Variants in ST18 observed in about 807,000 individuals in gnomAD.
ST18 encodes ST18 C2H2C-type zinc finger transcription factor, also known as suppression of tumorigenicity 18 protein.
Under a neutral mutation model 110.0 loss-of-function variants are expected in ST18, and 50 were observed. The observed-to-expected ratio is 0.45, with a 90% CI of 0.36 to 0.58. The LOEUF is 0.58. ST18 is among the 20% of genes least tolerant of loss of function. The probability of loss-of-function intolerance (pLI) is 0.00; values close to 1 mark genes in which losing one functional copy is unlikely to be tolerated. For missense variants in ST18, 1,306 were observed against 1,280.1 expected (o/e 1.02, Z -0.31); for synonymous variants, 461 against 452.4 (o/e 1.02, Z -0.24).
chr8:52,262,067 T>C (rs2094710934), intron 2 of ST18, among the ~76,000 whole-genome samples: 1 of 152,214 alleles, frequency 6.6e-6, no homozygotes, highest in Non-Finnish European at 1.5e-5. Flanking sequence ...GCTCAGCATA[T>C]GTTGAGGGCC....
At chr8:52,145,723 C>T (rs1346460521) in intron 16 of ST18, among the ~76,000 whole-genome samples, 1 of 152,074 alleles carries the variant, frequency 6.6e-6, no homozygotes, top group African/African-American at 2.4e-5. Flanking sequence ...AATGAAATTC[C>T]TTTAACGTAC....
chr8:52,331,101 T>C (rs553532522), intron 2 of ST18, among the ~76,000 whole-genome samples: 2 of 152,176 alleles, frequency 1.3e-5, no homozygotes, highest in South Asian at 2.1e-4. Flanking sequence ...TAACTGACTT[T>C]ATTGACTTTG....
At position 52,141,392 on chromosome 8, in the gene ST18, G is replaced by A. The variant is rs938717445; in HGVS notation, c.2168+1538C>T. On this transcript the variant is annotated intron_variant, in intron 17 of 25. Transcript: ENST00000689386. ...TATTATGCACCAATGGTGTGGACAA[G>A]GTACAGAAGAGGAAATAAGGGGAAA... Among the ~76,000 whole-genome samples, 3 of 152,194 alleles carry A rather than the reference G, an allele frequency of 2.0e-5. No homozygotes were observed. The East Asian group carries it at 5.8e-4, about 29-fold the overall frequency.
At chr8:52,231,959 C>T (rs2091512213) in intron 2 of ST18, among the ~76,000 whole-genome samples, 1 of 152,200 alleles carries the variant, frequency 6.6e-6, no homozygotes. Context: ...TTCCGTAGAT[C>T]TATGGTGGGA....
intron 2 of ST18, among the ~76,000 whole-genome samples, chr8:52,335,968 G>A (rs1235947698): frequency 6.6e-6 from 1 of 151,926 alleles, no homozygotes; most frequent in South Asian, 2.1e-4. Context: ...GCCCCCATCT[G>A]TCTCCCCTCT....
In ST18 at chr8:52,247,390, AGACCT is replaced by A. The variant is rs146617765; in HGVS notation, c.-464-17318_-464-17314del. On this transcript the variant is annotated intron_variant, in intron 2 of 25. Transcript: ENST00000689386. Reference sequence around the variant, plus strand: ...GGCCTTCTCATCTTAATGACAATACAGACCTATTCTGTTTTGAAGAATGACAATTA... The same window carrying A: ...GGCCTTCTCATCTTAATGACAATACAATTCTGTTTTGAAGAATGACAATTA... 1.6e-3 allele frequency among the ~76,000 whole-genome samples: 243 copies of A among 152,312 alleles called. 2 individuals are homozygous for A. Among genetic ancestry groups the A allele is most frequent in the African/African-American group, 5.6e-3 (232 of 41,576 alleles).
chr8:52,190,985 C>T (rs1258016413), intron 8 of ST18, among the ~76,000 whole-genome samples: 1 of 152,180 alleles, frequency 6.6e-6, no homozygotes, highest in Non-Finnish European at 1.5e-5. Flanking sequence ...CACTTCCCAC[C>T]ACTGGGAAGG....
intron 2 of ST18, among the ~76,000 whole-genome samples, chr8:52,323,982 C>A (rs1474415394): frequency 6.6e-6 from 1 of 152,226 alleles, no homozygotes; most frequent in Non-Finnish European, 1.5e-5. Context: ...ACCACTGGGG[C>A]ACATGTCCAA....
chr8:52,160,051 A>G (rs919110194), intron 14 of ST18, among the ~76,000 whole-genome samples: 20 of 152,330 alleles, frequency 1.3e-4, no homozygotes, highest in Non-Finnish European at 2.4e-4. Flanking sequence ...TTACAAGAAT[A>G]TGAAAATGTC....
intron 15 of ST18, among the ~76,000 whole-genome samples, chr8:52,158,523 C>G (rs1332520506): frequency 6.6e-6 from 1 of 152,226 alleles, no homozygotes; most frequent in Non-Finnish European, 1.5e-5. Context: ...GATTTGCAGA[C>G]ACTGAAAAGC....
chr8:52,212,207 T>TG (rs2082423279), intron 7 of ST18, 98 bp from the exon 8 acceptor site: 1 of 1,160,882 alleles, frequency 8.6e-7, no homozygotes, highest in African/African-American at 1.6e-5. Flanking sequence ...TAACGACCAA[T>TG]AAGTTTCTCA....
intron 2 of ST18, among the ~76,000 whole-genome samples, chr8:52,302,142 G>A (rs2095735117): frequency 6.6e-6 from 1 of 152,206 alleles, no homozygotes; most frequent in Admixed American, 6.5e-5. Flanking sequence ...GGGAGCGATG[G>A]GGTGGAGAGT....
rs772463449 is a variant in ST18 at position 52,132,088 on chromosome 8, T to C, written c.2536A>G (p.Arg846Gly). Residue 846 changes from arginine to glycine, a missense_variant, in exon 22 of 26, where the codon AGA becomes GGA. Arg to Gly is a moderately radical substitution (Grantham distance 125). Transcript: ENST00000689386. Reference protein sequence around the residue: ...TASGCPLAAKRQKENPLNGAS... With the variant: ...TASGCPLAAKGQKENPLNGAS... ...CCATTGAGAGGATTCTCCTTCTGTC[T>C]CTTGGCAGCCAGAGGACAGCCAGAA... The C allele has an allele frequency of 1.9e-6, 3 of 1,614,190 alleles. No individual in the cohort carries two copies. Among genetic ancestry groups the C allele is most frequent in the South Asian group, 1.1e-5 (1 of 91,078 alleles).
chr8:52,188,914 G>T (rs922363239), intron 8 of ST18, among the ~76,000 whole-genome samples: 1 of 152,198 alleles, frequency 6.6e-6, no homozygotes, highest in Non-Finnish European at 1.5e-5. Flanking sequence ...ACTTGCAGAA[G>T]CAGGATTCAC....
At chr8:52,236,641 T>A (rs985578053) in intron 2 of ST18, among the ~76,000 whole-genome samples, 7 of 150,534 alleles carry the variant, frequency 4.7e-5, no homozygotes, top group African/African-American at 1.7e-4. Flanking sequence ...CTATATCTGA[T>A]GCCAACATTC....
chr8:52,307,123 A>G (rs1026722728), intron 2 of ST18, among the ~76,000 whole-genome samples: 1 of 152,142 alleles, frequency 6.6e-6, no homozygotes, highest in Non-Finnish European at 1.5e-5. Flanking sequence ...GTTCGAGACC[A>G]ACCTGGGCGG....
intron 2 of ST18, among the ~76,000 whole-genome samples, chr8:52,350,850 A>G (rs773959015): frequency 1.6e-4 from 25 of 151,914 alleles, no homozygotes; most frequent in Non-Finnish European, 2.9e-4. Flanking sequence ...CCTCTTGAGT[A>G]GCTGGGACTA....
At chr8:52,312,282 T>A (rs2095932183) in intron 2 of ST18, among the ~76,000 whole-genome samples, 2 of 152,188 alleles carry the variant, frequency 1.3e-5, no homozygotes, top group Admixed American at 6.5e-5. Flanking sequence ...CCCATGACCC[T>A]TCAGGGAAGC....
chr8:52,390,816 G>T lies in ST18; in HGVS notation c.-465+18512C>A, dbSNP rs548836587. ...CACTAAATGGTGCAAACACGGCCTG[G>T]CCCATCTGTCATAAACATTAGGTCC... On this transcript the variant is annotated intron_variant, in intron 2 of 25. Coordinates refer to ENST00000689386, the MANE Select transcript of ST18 (RefSeq NM_001352837.2). Among the ~76,000 whole-genome samples, 6 of 152,318 alleles carry T rather than the reference G, an allele frequency of 3.9e-5. No individual in the cohort carries two copies. The South Asian group carries it at 8.3e-4, about 21-fold the overall frequency.
Sources: gnomAD v4.1 joint callset for allele counts (sites outside exome capture counted in the v4.1 genomes callset) on GRCh38, gnomAD v4.1.1 for gene constraint, MANE v1.5 for transcripts, NCBI Gene and HGNC (gene_info 2026-07-23, HGNC 2026-07-21) for gene names.